SUZ12: variants seen among roughly 807,000 people sequenced by gnomAD.
The protein encoded by SUZ12 is SUZ12 polycomb repressive complex 2 subunit, also known as polycomb protein SUZ12.
A neutral mutation model predicts 87.3 loss-of-function variants in SUZ12; 17 were observed. That is an observed-to-expected ratio of 0.19 (90% CI 0.13 to 0.29). The LOEUF is 0.29. Ranked by LOEUF, SUZ12 falls within the 10% of genes least tolerant of loss-of-function variation. The pLI, the probability that SUZ12 is intolerant of heterozygous loss-of-function variation, is 1.00. For missense variants in SUZ12, 526 were observed against 912.2 expected (o/e 0.58, Z 5.45); for synonymous variants, 253 against 312.4 (o/e 0.81, Z 2.01).
intron 10 of SUZ12, among the ~76,000 whole-genome samples, chr17:31,992,306 C>CA (rs1909761844): frequency 1.3e-5 from 2 of 152,222 alleles, no homozygotes; most frequent in South Asian, 4.2e-4. Flanking sequence ...AACAAAAAAA[C>CA]ACATTCTGAC....
At chr17:31,943,578 C>T (rs778268440) in intron 3 of SUZ12, among the ~76,000 whole-genome samples, 1 of 152,078 alleles carries the variant, frequency 6.6e-6, no homozygotes, top group African/African-American at 2.4e-5. Context: ...CTGTAAAAAC[C>T]GTTCTTACCT....
At chr17:31,958,042 A>G (rs574385179) in intron 4 of SUZ12, among the ~76,000 whole-genome samples, 3 of 151,478 alleles carry the variant, frequency 2.0e-5, no homozygotes, top group South Asian at 4.2e-4. Context: ...AGCTGGGACT[A>G]CAGGCGCCTG....
rs531153694 is a variant in SUZ12 at position 31,973,139 on chromosome 17, T to C, written c.506-7T>C. The C allele has an allele frequency of 5.9e-6, 9 of 1,528,300 alleles. No individual in the cohort carries two copies. Among genetic ancestry groups the C allele is most frequent in the African/African-American group, 1.4e-5 (1 of 69,956 alleles). The allele number at this position is 1,528,300 out of a possible 1,614,324, so 94.7% of individuals were successfully genotyped here. On this transcript the variant is annotated splice_polypyrimidine_tract_variant and splice_region_variant and intron_variant, in intron 5 of 15. Transcript: ENST00000322652. The stretch of plus-strand genomic sequence containing the variant: ...AATATATTTTAAAATACTGATTTTC[T>C]ATTTAGATAAGCCATCACCAAACTC...
intron 13 of SUZ12, 61 bp downstream of exon 13, chr17:31,994,782 CA>C (rs2142216242): frequency 6.5e-7 from 1 of 1,544,512 alleles, no homozygotes; most frequent in East Asian, 2.3e-5. Flanking sequence ...GTTGGAGGAA[CA>C]AAGGAGCCAG....
At chr17:31,958,561 A>T (rs1907509114) in intron 4 of SUZ12, among the ~76,000 whole-genome samples, 2 of 151,522 alleles carry the variant, frequency 1.3e-5, no homozygotes, top group Admixed American at 6.6e-5. Context: ...AAATCCAAAA[A>T]ATTAGGCCAG....
intron 4 of SUZ12, among the ~76,000 whole-genome samples, chr17:31,964,177 A>C (rs867831644): frequency 0.071 from 10,556 of 147,712 alleles, no homozygotes; most frequent in African/African-American, 0.23. Context: ...CAGGCACACG[A>C]CACCATGCCT....
chr17:31,956,866 C>T (rs1378086480), intron 4 of SUZ12, among the ~76,000 whole-genome samples: 1 of 152,064 alleles, frequency 6.6e-6, no homozygotes, highest in Non-Finnish European at 1.5e-5. Flanking sequence ...ACCTCTGCCT[C>T]CCAGGTTCAG....
chr17:31,939,486 A>G (rs1161584503), intron 1 of SUZ12, among the ~76,000 whole-genome samples: 2 of 150,964 alleles, frequency 1.3e-5, no homozygotes, highest in African/African-American at 2.4e-5. Context: ...TCATATCTGT[A>G]TTAGGATGTA....
At chr17:31,952,467 C>A (rs1293919504) in intron 4 of SUZ12, among the ~76,000 whole-genome samples, 1 of 152,146 alleles carries the variant, frequency 6.6e-6, no homozygotes, top group Non-Finnish European at 1.5e-5. Flanking sequence ...GGCACTATGG[C>A]TGATTAGAAT....
At chr17:31,960,120 A>AGG (rs1357640334) in intron 4 of SUZ12, among the ~76,000 whole-genome samples, 1 of 152,208 alleles carries the variant, frequency 6.6e-6, no homozygotes, top group Admixed American at 6.6e-5. Flanking sequence ...GAGAGGGCAG[A>AGG]GGGAAGGGAG....
intron 10 of SUZ12, among the ~76,000 whole-genome samples, chr17:31,991,540 A>G (rs1909720538): frequency 7.3e-6 from 1 of 137,824 alleles, no homozygotes; most frequent in Non-Finnish European, 1.5e-5. Context: ...AAATATAAAT[A>G]CCTTTTTTTC....
chr17:31,963,259 C>T (rs1294254518), intron 4 of SUZ12, among the ~76,000 whole-genome samples: 1 of 152,128 alleles, frequency 6.6e-6, no homozygotes. Context: ...ATTCTCCTGC[C>T]TCAGCCTCCT....
At chr17:31,952,454 C>G (rs927510194) in intron 4 of SUZ12, among the ~76,000 whole-genome samples, 2 of 152,126 alleles carry the variant, frequency 1.3e-5, no homozygotes, top group Admixed American at 6.6e-5. Flanking sequence ...TGGATTTTGA[C>G]CAGGCACTAT....
At chr17:31,983,131 C>T (rs1230441681) in intron 9 of SUZ12, 27 bp downstream of exon 9, 18 of 1,599,756 alleles carry the variant, frequency 1.1e-5, no homozygotes, top group Middle Eastern at 1.7e-4. Context: ...AGGTTGAGCA[C>T]GTTATAGTTA....
intron 3 of SUZ12, among the ~76,000 whole-genome samples, chr17:31,944,815 T>G (rs1327433565): frequency 6.6e-6 from 1 of 152,134 alleles, no homozygotes; most frequent in Non-Finnish European, 1.5e-5. Flanking sequence ...CAAGATTATA[T>G]TTATTTGAGC....
At chr17:31,960,201 C>T (rs1907613460) in intron 4 of SUZ12, among the ~76,000 whole-genome samples, 2 of 152,070 alleles carry the variant, frequency 1.3e-5, no homozygotes, top group South Asian at 4.1e-4. Context: ...TATTCTAGTA[C>T]ATATCAGAGT....
chr17:31,968,829 A>G (rs1481469437), intron 5 of SUZ12, among the ~76,000 whole-genome samples: 1 of 152,166 alleles, frequency 6.6e-6, no homozygotes, highest in African/African-American at 2.4e-5. Context: ...TGTGTAGAAC[A>G]CATAGTTTAT....
Position 31,998,781 on chromosome 17 carries a change from T to C in SUZ12, c.1998T>C (p.Phe666=), listed in dbSNP as rs1436062742. 3 of 1,612,842 alleles carry C rather than the reference T, an allele frequency of 1.9e-6. No individual in the cohort carries two copies. Among genetic ancestry groups the C allele is most frequent in the African/African-American group, 2.7e-5 (2 of 74,900 alleles). Residue 666 remains phenylalanine, a synonymous_variant, in exon 16 of 16, where the codon TTT becomes TTC. Coordinates refer to ENST00000322652, the MANE Select transcript of SUZ12 (RefSeq NM_015355.4). ...TTCATCTAGTCAGCATGCATGACTT[T>C]AATCTTATTAGCATAATGTCAATAG... ...FMLHLVSMHD[F]NLISIMSIDK...
Position 31,975,615 on chromosome 17 carries a change from G to A in SUZ12, c.725G>A (p.Ser242Asn). 1.9e-6 allele frequency: 3 copies of A among 1,613,996 alleles called. No individual in the cohort carries two copies. The change falls in exon 7 of 16, where the codon AGC becomes AAC. Residue 242 changes from serine (S) to asparagine (N), a missense_variant. Physicochemically the swap from Ser to Asn is conservative, Grantham distance 46 (BLOSUM62 1). Around this residue, in one of 9 missense-constraint regions of SUZ12, gnomAD observed 73 missense variants for 133.8 expected, o/e 0.55. Coordinates refer to ENST00000322652, the MANE Select transcript of SUZ12 (RefSeq NM_015355.4). ...VSSNEFEPSN[S>N]HMVKSYSLLF... Reference sequence around the variant, plus strand: ...AGTAATGAATTTGAACCTAGTAACAGCCATATGGTGAAGTCTTACTCGTTG... The same window carrying A: ...AGTAATGAATTTGAACCTAGTAACAACCATATGGTGAAGTCTTACTCGTTG...
Sources: gnomAD v4.1 joint callset for allele counts (sites outside exome capture counted in the v4.1 genomes callset) on GRCh38, gnomAD v4.1.1 for gene constraint, gnomAD v4.1.1 regional missense constraint, MANE v1.5 for transcripts, NCBI Gene and HGNC (gene_info 2026-07-23, HGNC 2026-07-21) for gene names.